EFCAB11: variants seen among roughly 807,000 people sequenced by gnomAD.
The protein encoded by EFCAB11 is EF-hand calcium-binding domain-containing protein 11.
EFCAB11 carries 14 observed loss-of-function variants against 23.0 expected under a neutral mutation model. The observed-to-expected ratio is 0.61, with a 90% CI of 0.40 to 0.95. The LOEUF is 0.95. Among genes scored for constraint, EFCAB11 ranks in the 40% least tolerant of loss-of-function variants. The pLI, the probability that EFCAB11 is intolerant of heterozygous loss-of-function variation, is 0.00. For synonymous variants in EFCAB11, 65 were observed against 66.6 expected (o/e 0.98, Z 0.11); for missense variants, 198 against 195.8 (o/e 1.01, Z -0.07).
intron 5 of EFCAB11, among the ~76,000 whole-genome samples, chr14:89,813,637 A>T (rs1473562756): frequency 1.1e-5 from 1 of 92,782 alleles, no homozygotes; most frequent in African/African-American, 4.1e-5. Flanking sequence ...TCCACCTCCC[A>T]CCCCCTGCCC....
At chr14:89,808,273 A>C (rs1022304031) in intron 5 of EFCAB11, among the ~76,000 whole-genome samples, 1 of 152,230 alleles carries the variant, frequency 6.6e-6, no homozygotes, top group Non-Finnish European at 1.5e-5. Flanking sequence ...ATAGGACCTT[A>C]TAATCACCCT....
At chr14:89,888,038 C>G (rs1216407398) in intron 5 of EFCAB11, among the ~76,000 whole-genome samples, 1 of 152,124 alleles carries the variant, frequency 6.6e-6, no homozygotes, top group African/African-American at 2.4e-5. Context: ...AGTCACTGTT[C>G]AACATACTGA....
intron 5 of EFCAB11, among the ~76,000 whole-genome samples, chr14:89,880,010 A>C (rs1023484179): frequency 1.3e-5 from 2 of 152,188 alleles, no homozygotes; most frequent in Non-Finnish European, 2.9e-5. Context: ...TCCTCTTTTA[A>C]GATTTGGCCT....
intron 5 of EFCAB11, among the ~76,000 whole-genome samples, chr14:89,834,598 A>G (rs1001338401): frequency 1.3e-5 from 2 of 152,094 alleles, no homozygotes; most frequent in Non-Finnish European, 2.9e-5. Flanking sequence ...GCTGTTCGGG[A>G]AAGTAGGAAG....
intron 5 of EFCAB11, among the ~76,000 whole-genome samples, chr14:89,882,093 A>G (rs1043539427): frequency 6.6e-6 from 1 of 152,118 alleles, no homozygotes; most frequent in Non-Finnish European, 1.5e-5. Context: ...CCTTTTTTCT[A>G]CTTTACAAAA....
At chr14:89,866,792 T>C (rs1289310444) in intron 5 of EFCAB11, among the ~76,000 whole-genome samples, 1 of 151,848 alleles carries the variant, frequency 6.6e-6, no homozygotes, top group Non-Finnish European at 1.5e-5. Context: ...TTTAAAAATG[T>C]TTTATTTATC....
At chr14:89,892,381 C>A in intron 5 of EFCAB11, 2 of 1,604,958 alleles carry the variant, frequency 1.2e-6, no homozygotes, top group Admixed American at 3.4e-5. Context: ...TCCGGCTCAT[C>A]CACAAGACCC....
intron 2 of EFCAB11, among the ~76,000 whole-genome samples, chr14:89,953,037 C>T (rs1204605852): frequency 6.6e-6 from 1 of 152,160 alleles, no homozygotes; most frequent in Non-Finnish European, 1.5e-5. Flanking sequence ...GGAGGCTCAG[C>T]TCAACTCTCA....
intron 5 of EFCAB11, among the ~76,000 whole-genome samples, chr14:89,887,439 T>A (rs967720455): frequency 6.6e-6 from 1 of 152,208 alleles, no homozygotes; most frequent in African/African-American, 2.4e-5. Context: ...TTATCATGTG[T>A]AGTTTGAAGT....
chr14:89,834,544 G>A (rs138832062), intron 5 of EFCAB11, among the ~76,000 whole-genome samples: 1,655 of 152,272 alleles, frequency 0.011, 12 homozygotes, highest in South Asian at 0.022. Flanking sequence ...AGCCGCCTCC[G>A]GCAGAACTCT....
chr14:89,939,695 C>A (rs1055106524), intron 3 of EFCAB11, among the ~76,000 whole-genome samples: 6 of 152,190 alleles, frequency 3.9e-5, no homozygotes. Flanking sequence ...TAACATCTGG[C>A]CGTAAAAGAA....
chr14:89,887,892 T>C (rs1009455732), intron 5 of EFCAB11, among the ~76,000 whole-genome samples: 8 of 152,158 alleles, frequency 5.3e-5, no homozygotes, highest in African/African-American at 1.9e-4. Flanking sequence ...TTCTTGGAAA[T>C]GGATATAGCA....
At chr14:89,910,074 A>T (rs1889625516) in intron 5 of EFCAB11, among the ~76,000 whole-genome samples, 1 of 152,256 alleles carries the variant, frequency 6.6e-6, no homozygotes, top group Admixed American at 6.5e-5. Flanking sequence ...TAAAGGGCAG[A>T]GCAGTTTCTA....
intron 5 of EFCAB11, among the ~76,000 whole-genome samples, chr14:89,912,260 T>C (rs1265117066): frequency 6.6e-6 from 1 of 152,238 alleles, no homozygotes; most frequent in East Asian, 1.9e-4. Context: ...TGAACTTTAT[T>C]GGCCTTTAAA....
In EFCAB11 at chr14:89,950,355, A is replaced by G. The variant is rs547278851; in HGVS notation, c.172-213T>C. Among the ~76,000 whole-genome samples the G allele has an allele frequency of 1.1e-4, 17 of 152,290 alleles. No individual in the cohort carries two copies. In the East Asian group the frequency reaches 3.3e-3, roughly 29 times the overall value. Reference sequence around the variant, plus strand: ...GCAGACACTAATCTGCTAGTCCCTAATAGCCCCCAAAACTTTATTCCATTG... The same window carrying G: ...GCAGACACTAATCTGCTAGTCCCTAGTAGCCCCCAAAACTTTATTCCATTG... On this transcript the variant is annotated intron_variant, in intron 2 of 5. Transcript: ENST00000316738.
chr14:89,891,535 T>G (rs892799108), intron 5 of EFCAB11, among the ~76,000 whole-genome samples: 7 of 152,150 alleles, frequency 4.6e-5, no homozygotes, highest in African/African-American at 7.2e-5. Context: ...AGTTATAAAA[T>G]TTCCAAGGCA....
chr14:89,912,573 T>C (rs1275937965), intron 5 of EFCAB11, among the ~76,000 whole-genome samples: 1 of 152,218 alleles, frequency 6.6e-6, no homozygotes, highest in Non-Finnish European at 1.5e-5. Flanking sequence ...TTTTTTTACA[T>C]GACCTATTTT....
chr14:89,893,979 AT>A (rs892162225), intron 5 of EFCAB11, among the ~76,000 whole-genome samples: 12 of 150,148 alleles, frequency 8.0e-5, no homozygotes, highest in East Asian at 1.9e-4. Flanking sequence ...CCAATTCTTG[AT>A]TTTTTTTTTC....
chr14:89,932,278 TC>T (rs1890416047), intron 4 of EFCAB11, among the ~76,000 whole-genome samples: 1 of 152,128 alleles, frequency 6.6e-6, no homozygotes, highest in African/African-American at 2.4e-5. Flanking sequence ...CCTTTTGCAG[TC>T]CCCATGACAA....
Sources: gnomAD v4.1 joint callset for allele counts (sites outside exome capture counted in the v4.1 genomes callset) on GRCh38, gnomAD v4.1.1 for gene constraint, MANE v1.5 for transcripts, NCBI Gene and HGNC (gene_info 2026-07-23, HGNC 2026-07-21) for gene names.